Variants in ATE1 observed in about 807,000 individuals in gnomAD.
ATE1 encodes the protein arginyltransferase 1.
A neutral mutation model predicts 70.5 loss-of-function variants in ATE1; 36 were observed. That is an observed-to-expected ratio of 0.51 (90% CI 0.39 to 0.67). The LOEUF is 0.67. ATE1 is among the 30% of genes least tolerant of loss of function. The pLI is 0.00. For missense variants in ATE1, 593 were observed against 629.5 expected, an observed-to-expected ratio of 0.94 and a Z score of 0.62; for synonymous variants, 232 against 219.3, an observed-to-expected ratio of 1.06 and a Z score of -0.51.
rs995178565 is a variant in ATE1 at position 121,898,721 on chromosome 10, T to C, written c.942+1145A>G. 3 of 1,188,534 alleles carry C rather than the reference T, an allele frequency of 2.5e-6. No homozygotes were observed. The African/African-American group carries it at 4.6e-5, about 18-fold the overall frequency. 73.6% of individuals were successfully genotyped at this position (1,188,534 alleles called of 1,614,324 possible). On this transcript the variant is annotated intron_variant, in intron 7 of 11. Coordinates refer to ENST00000224652, the MANE Select transcript of ATE1 (RefSeq NM_001001976.3). ...TCACATGTATGAGTCATGTGAGTGT[T>C]CACAGAAGTTCAGTAATACACACTG... is the stretch of plus-strand genomic sequence containing the variant.
intron 10 of ATE1, among the ~76,000 whole-genome samples, chr10:121,807,005 G>A (rs139353810): frequency 6.6e-6 from 1 of 152,246 alleles, no homozygotes; most frequent in East Asian, 1.9e-4. Flanking sequence ...GACCGTGCAA[G>A]ATATTTTTCT....
intron 5 of ATE1, among the ~76,000 whole-genome samples, chr10:121,904,749 G>A (rs971849655): frequency 6.9e-6 from 1 of 145,766 alleles, no homozygotes; most frequent in Non-Finnish European, 1.5e-5. Context: ...TTTTTAAAGA[G>A]AAGAAAATCA....
intron 7 of ATE1, chr10:121,898,852 C>T: frequency 6.2e-7 from 1 of 1,613,660 alleles, no homozygotes; most frequent in Non-Finnish European, 8.5e-7. Flanking sequence ...TCAGTCTTCC[C>T]ACATTCATCG....
chr10:121,869,989 C>A lies in ATE1; in HGVS notation c.975+17G>T. ...CAATTACCAATTCTAATATTAAGGTCAGTGAGTAACTCTTACCTCCAAGGG... is the reference window on the plus strand; with the variant it reads ...CAATTACCAATTCTAATATTAAGGTAAGTGAGTAACTCTTACCTCCAAGGG... On this transcript the variant is annotated intron_variant, in intron 8 of 11. Coordinates refer to ENST00000224652, the MANE Select transcript of ATE1 (RefSeq NM_001001976.3). The A allele has an allele frequency of 1.3e-6, 2 of 1,592,282 alleles. No individual in the cohort carries two copies. The highest frequency in any genetic ancestry group is 2.2e-5 in the South Asian group (2 of 89,840).
chr10:121,852,553 A>C (rs977686991), intron 8 of ATE1, among the ~76,000 whole-genome samples: 1 of 152,150 alleles, frequency 6.6e-6, no homozygotes, highest in African/African-American at 2.4e-5. Context: ...TCTACTAAAA[A>C]TACAAAAATT....
intron 11 of ATE1, among the ~76,000 whole-genome samples, chr10:121,760,085 C>A (rs1037712531): frequency 1.3e-5 from 2 of 152,188 alleles, no homozygotes; most frequent in East Asian, 3.9e-4. Context: ...ACTGTTGAGA[C>A]CTACTGCTCA....
chr10:121,902,553 C>T lies in ATE1; in HGVS notation c.651G>A (p.Arg217=). The change falls in exon 6 of 12, where the codon AGG becomes AGA. Residue 217 remains arginine, a synonymous_variant. Coordinates refer to ENST00000224652, the MANE Select transcript of ATE1 (RefSeq NM_001001976.3). ...CTGGGTTCTGCTGCATTAGTTTTAA[C>T]CTTTTCCTTTCTTTCCGGATTTCCT... The part of the protein sequence containing the change: ...KAKEIRKERK[R]LKLMQQNPAG... 1 of 1,614,186 alleles carries T rather than the reference C, an allele frequency of 6.2e-7. No individual in the cohort carries two copies.
chr10:121,898,533 T>C (rs1384467663), intron 7 of ATE1, among the ~76,000 whole-genome samples: 1 of 152,186 alleles, frequency 6.6e-6, no homozygotes, highest in African/African-American at 2.4e-5. Flanking sequence ...AGAGACTCCT[T>C]TTGTTCTGTG....
chr10:121,831,388 GCAGA>G (rs1045560151), intron 10 of ATE1, among the ~76,000 whole-genome samples: 4 of 152,044 alleles, frequency 2.6e-5, no homozygotes, highest in Admixed American at 6.6e-5. Context: ...ATCATTATCA[GCAGA>G]CAGACAACAC....
At chr10:121,794,661 TAAAAAAAAAA>T (rs374044559) in intron 10 of ATE1, among the ~76,000 whole-genome samples, 1 of 65,732 alleles carries the variant, frequency 1.5e-5, no homozygotes, top group Non-Finnish European at 2.7e-5. Context: ...GAATGTCTGG[TAAAAAAAAAA>T]AAAAAAAAAA....
chr10:121,857,825 C>G (rs913916683), intron 8 of ATE1, among the ~76,000 whole-genome samples: 1 of 152,134 alleles, frequency 6.6e-6, no homozygotes, highest in African/African-American at 2.4e-5. Context: ...AACTACGTAC[C>G]CATTAAATAA....
At chr10:121,908,096 T>C (rs1040480763) in intron 5 of ATE1, among the ~76,000 whole-genome samples, 1 of 152,154 alleles carries the variant, frequency 6.6e-6, no homozygotes, top group Non-Finnish European at 1.5e-5. Context: ...GAGCAACAGA[T>C]TGCAACAGCA....
chr10:121,748,260 A>C (rs1944444678), intron 11 of ATE1, among the ~76,000 whole-genome samples: 1 of 152,220 alleles, frequency 6.6e-6, no homozygotes, highest in Non-Finnish European at 1.5e-5. Flanking sequence ...ATCTAAAATA[A>C]AATGTCATCC....
chr10:121,907,212 T>C (rs1020336342), intron 5 of ATE1, among the ~76,000 whole-genome samples: 2 of 152,042 alleles, frequency 1.3e-5, no homozygotes, highest in African/African-American at 4.8e-5. Context: ...CCCAGCACTT[T>C]GGGAGCCCGG....
chr10:121,824,460 T>C (rs3862129), intron 10 of ATE1, among the ~76,000 whole-genome samples: 20,054 of 152,256 alleles, frequency 0.13, 1,511 homozygotes, highest in East Asian at 0.2. Flanking sequence ...GTTAATTCCA[T>C]TTTTTTGTAG....
At chr10:121,870,079 C>G in intron 7 of ATE1, 41 bp from the exon 8 acceptor site, 1 of 1,587,944 alleles carries the variant, frequency 6.3e-7, no homozygotes, top group African/African-American at 1.3e-5. Context: ...ATCCAGTAAA[C>G]AGACGGCAAA....
chr10:121,766,759 G>A (rs1054870082), intron 11 of ATE1, among the ~76,000 whole-genome samples: 1 of 152,128 alleles, frequency 6.6e-6, no homozygotes, highest in Non-Finnish European at 1.5e-5. Context: ...ATGGACAAGT[G>A]CCCTATAAAG....
chr10:121,928,055 C>G, upstream of ATE1: 1 of 1,216,436 alleles, frequency 8.2e-7, no homozygotes, highest in Middle Eastern at 3.3e-4. Context: ...CCGAGGCTCG[C>G]GCGAAGCCAC....
Position 121,913,771 on chromosome 10 carries a change from T to A in ATE1, c.337+19A>T, listed in dbSNP as rs533064066. On this transcript the variant is annotated intron_variant, in intron 4 of 11. Transcript: ENST00000224652. Reference sequence around the variant, plus strand: ...GCAAAGACAGATAGTAAATCGTTTTTAGACCCAGCCCATCTTACCCTCACA... The same window carrying A: ...GCAAAGACAGATAGTAAATCGTTTTAAGACCCAGCCCATCTTACCCTCACA... The A allele has an allele frequency of 1.9e-6, 3 of 1,561,328 alleles. No homozygotes were observed. Among genetic ancestry groups the A allele is most frequent in the Non-Finnish European group, 2.6e-6 (3 of 1,137,526 alleles).
Sources: gnomAD v4.1 joint callset for allele counts (sites outside exome capture counted in the v4.1 genomes callset) on GRCh38, gnomAD v4.1.1 for gene constraint, MANE v1.5 for transcripts, NCBI Gene and HGNC (gene_info 2026-07-23, HGNC 2026-07-21) for gene names.